FBXL17: variants seen among roughly 807,000 people sequenced by gnomAD.
FBXL17 encodes the protein F-box/LRR-repeat protein 17.
Under a neutral mutation model 66.2 loss-of-function variants are expected in FBXL17, and 22 were observed. The ratio of observed to expected loss-of-function variants is 0.33; its 90% CI spans 0.24 to 0.47. FBXL17 has a LOEUF of 0.47. Among genes scored for constraint, FBXL17 ranks in the 20% least tolerant of loss-of-function variants. The pLI is 1.00. For missense variants in FBXL17, 878 were observed against 948.2 expected, an observed-to-expected ratio of 0.93 and a Z score of 0.97; for synonymous variants, 474 against 400.5, an observed-to-expected ratio of 1.18 and a Z score of -2.19.
intron 6 of FBXL17, among the ~76,000 whole-genome samples, chr5:108,094,959 G>A (rs1428331006): frequency 6.6e-6 from 1 of 151,796 alleles, no homozygotes; most frequent in Non-Finnish European, 1.5e-5. Context: ...TTTTATCAGA[G>A]CACTTCAAAA....
chr5:107,908,767 A>G (rs1268207761), intron 7 of FBXL17, among the ~76,000 whole-genome samples: 1 of 152,170 alleles, frequency 6.6e-6, no homozygotes, highest in Non-Finnish European at 1.5e-5. Flanking sequence ...GGGAGCCTTT[A>G]TATCTCTGGA....
intron 7 of FBXL17, among the ~76,000 whole-genome samples, chr5:107,971,311 T>C (rs192458066): frequency 4.7e-4 from 72 of 152,278 alleles, no homozygotes; most frequent in Non-Finnish European, 8.2e-4. Flanking sequence ...CATTTTTACA[T>C]GGGATTTCAA....
chr5:108,260,801 T>C (rs1168835035), intron 4 of FBXL17, among the ~76,000 whole-genome samples: 1 of 152,124 alleles, frequency 6.6e-6, no homozygotes, highest in African/African-American at 2.4e-5. Flanking sequence ...TTCCGCTCTG[T>C]GCCCAACTCC....
chr5:108,247,364 A>C (rs905278082), intron 4 of FBXL17, among the ~76,000 whole-genome samples: 3 of 152,146 alleles, frequency 2.0e-5, no homozygotes, highest in Non-Finnish European at 2.9e-5. Context: ...AGAGATGTGA[A>C]TGTACAAAGT....
chr5:108,378,249 T>TA (rs1420036623), intron 1 of FBXL17, among the ~76,000 whole-genome samples: 1 of 151,974 alleles, frequency 6.6e-6, no homozygotes, highest in Non-Finnish European at 1.5e-5. Flanking sequence ...GCAAGTATGG[T>TA]AGCTTTCCCA....
Position 108,060,286 on chromosome 5 carries a change from T to G in FBXL17, c.1746-39285A>C, listed in dbSNP as rs139888851. Among the ~76,000 whole-genome samples, 552 of 152,222 alleles carry G rather than the reference T, an allele frequency of 3.6e-3. 5 individuals are homozygous for G. The highest frequency in any genetic ancestry group is 0.014 in the Middle Eastern group (4 of 294). ...TGGAGAAGAAAGTTTATTTTAGAGT[T>G]GATTAAGTAATTATATTATTTAAGA... On this transcript the variant is annotated intron_variant, in intron 6 of 8. Transcript: ENST00000542267.
chr5:107,969,867 G>A (rs1752302569), intron 7 of FBXL17, among the ~76,000 whole-genome samples: 1 of 152,112 alleles, frequency 6.6e-6, no homozygotes, highest in Non-Finnish European at 1.5e-5. Context: ...GAATTTATAT[G>A]ATATGTTAGT....
At chr5:107,969,150 C>T (rs966553055) in intron 7 of FBXL17, among the ~76,000 whole-genome samples, 4 of 152,076 alleles carry the variant, frequency 2.6e-5, no homozygotes, top group African/African-American at 9.7e-5. Context: ...GACTAGGTGG[C>T]CCGGAAAACT....
chr5:107,979,885 T>C (rs1055440857), intron 7 of FBXL17, among the ~76,000 whole-genome samples: 1 of 152,104 alleles, frequency 6.6e-6, no homozygotes, highest in African/African-American at 2.4e-5. Context: ...TTACTTAAAG[T>C]ATATGAAGAA....
At chr5:108,049,548 G>T (rs1478079519) in intron 6 of FBXL17, among the ~76,000 whole-genome samples, 1 of 152,098 alleles carries the variant, frequency 6.6e-6, no homozygotes, top group Non-Finnish European at 1.5e-5. Context: ...GAGGGATTTT[G>T]TCACCACCAG....
intron 5 of FBXL17, among the ~76,000 whole-genome samples, chr5:108,208,922 A>G (rs376971841): frequency 3.9e-5 from 6 of 152,124 alleles, no homozygotes; most frequent in African/African-American, 1.4e-4. Flanking sequence ...TTTTCATGAT[A>G]TTGATTCTTC....
intron 7 of FBXL17, among the ~76,000 whole-genome samples, chr5:107,968,752 T>G (rs1752249556): frequency 6.6e-6 from 1 of 152,156 alleles, no homozygotes; most frequent in Non-Finnish European, 1.5e-5. Context: ...ACTCTGTACT[T>G]TCTTTATAGG....
Position 108,289,380 on chromosome 5 carries a change from A to C in FBXL17, c.1506+59019T>G, listed in dbSNP as rs369831328. On this transcript the variant is annotated intron_variant, in intron 4 of 8. Transcript: ENST00000542267. ...TGTTCTAATATTTGGTGTTAAAGGA[A>C]TAGCTCAGCCTCAATTACACCTCCT... Among the ~76,000 whole-genome samples the C allele has an allele frequency of 1.3e-3, 204 of 152,292 alleles. 7 individuals are homozygous for C. In the South Asian group the frequency reaches 0.042, roughly 31 times the overall value.
At chr5:107,985,148 T>C (rs10044914) in intron 7 of FBXL17, among the ~76,000 whole-genome samples, 43,326 of 152,130 alleles carry the variant, frequency 0.28, 6,202 homozygotes, top group East Asian at 0.36. Context: ...TGCAATCCAC[T>C]GTTCTTAACA....
intron 6 of FBXL17, among the ~76,000 whole-genome samples, chr5:108,086,560 CTTTG>C (rs1257903341): frequency 6.6e-6 from 1 of 151,854 alleles, no homozygotes; most frequent in Non-Finnish European, 1.5e-5. Flanking sequence ...CTGTGACTGT[CTTTG>C]TTTTTGTTTT....
At position 108,364,821 on chromosome 5, in the gene FBXL17, T is replaced by C. The variant is rs568048211; in HGVS notation, c.1291A>G (p.Ile431Val). 23 of 1,612,842 alleles carry C rather than the reference T, an allele frequency of 1.4e-5. No homozygotes were observed. The highest frequency in any genetic ancestry group is 2.0e-5 in the Non-Finnish European group (23 of 1,179,244). ...RCKQLSDTSI[I>V]AVASHCPLLQ... The stretch of plus-strand genomic sequence containing the variant: ...AAAGGACAGTGAGAGGCAACCGCAA[T>C]AATAGAGGTGTCAGAAAGCTGTTTA... The change falls in exon 3 of 9, where the codon ATT becomes GTT. Residue 431 changes from isoleucine to valine, a missense_variant. Transcript: ENST00000542267.
At chr5:108,144,782 A>G (rs1031040558) in intron 6 of FBXL17, among the ~76,000 whole-genome samples, 1 of 152,228 alleles carries the variant, frequency 6.6e-6, no homozygotes, top group African/African-American at 2.4e-5. Flanking sequence ...TAGGAATGAA[A>G]CTGACAAAAT....
At chr5:108,243,017 A>C (rs1420083405) in intron 4 of FBXL17, among the ~76,000 whole-genome samples, 3 of 152,210 alleles carry the variant, frequency 2.0e-5, no homozygotes, top group Admixed American at 6.5e-5. Context: ...AAACTCTATT[A>C]GCATCCAACG....
chr5:108,364,972 T>C lies in FBXL17; in HGVS notation c.1140A>G (p.Lys380=), dbSNP rs774309375. ...RQQVTDELLE[K]IASRSQNIIE... The stretch of plus-strand genomic sequence containing the variant: ...TTATATTCTGACTTCTTGATGCAAT[T>C]TTTTCCAACAATTCATCAGTGACCT... The change falls in exon 3 of 9, where the codon AAA becomes AAG. Residue 380 remains lysine, a synonymous_variant. Coordinates refer to ENST00000542267, the MANE Select transcript of FBXL17 (RefSeq NM_001163315.3). 17 of 1,610,128 alleles carry C rather than the reference T, an allele frequency of 1.1e-5. 1 individual carries two copies. The highest frequency in any genetic ancestry group is 1.4e-5 in the Non-Finnish European group (17 of 1,177,306).
Sources: gnomAD v4.1 joint callset for allele counts (sites outside exome capture counted in the v4.1 genomes callset) on GRCh38, gnomAD v4.1.1 for gene constraint, MANE v1.5 for transcripts, NCBI Gene and HGNC (gene_info 2026-07-23, HGNC 2026-07-21) for gene names.